The following NKAIN2 variants were observed in gnomAD, a reference collection of about 807,000 sequenced individuals.
NKAIN2 encodes sodium/potassium transporting ATPase interacting 2.
NKAIN2 carries 14 observed loss-of-function variants against 32.6 expected under a neutral mutation model. The observed-to-expected ratio is 0.43, with a 90% confidence interval of 0.28 to 0.67. The LOEUF (loss-of-function observed/expected upper bound fraction) is 0.67. Ranked by LOEUF, NKAIN2 falls within the 30% of genes least tolerant of loss-of-function variation. The pLI is 0.17. For synonymous variants in NKAIN2, 80 were observed against 87.2 expected (o/e 0.92, Z 0.46); for missense variants, 198 against 258.3 (o/e 0.77, Z 1.60).
intron 2 of NKAIN2, among the ~76,000 whole-genome samples, chr6:124,327,154 T>A (rs1216406993): frequency 1.3e-5 from 2 of 152,120 alleles, no homozygotes; most frequent in Non-Finnish European, 2.9e-5. Flanking sequence ...TATAGAACAT[T>A]CCTAGTCAAC....
intron 1 of NKAIN2, among the ~76,000 whole-genome samples, chr6:123,825,597 G>A (rs557222475): frequency 6.6e-6 from 1 of 152,214 alleles, no homozygotes; most frequent in Admixed American, 6.5e-5. Context: ...GATCATTAGA[G>A]TATTCAGGAT....
chr6:124,146,917 G>A (rs1787437768), intron 1 of NKAIN2, among the ~76,000 whole-genome samples: 1 of 152,188 alleles, frequency 6.6e-6, no homozygotes, highest in Admixed American at 6.5e-5. Flanking sequence ...CTATTGGGGA[G>A]GAGGCGTGGA....
At chr6:124,317,515 G>T (rs994437479) in intron 2 of NKAIN2, among the ~76,000 whole-genome samples, 1 of 152,006 alleles carries the variant, frequency 6.6e-6, no homozygotes, top group Non-Finnish European at 1.5e-5. Context: ...AAAGCAGGGT[G>T]CTCTCATTGT....
At chr6:124,658,428 G>T in intron 4 of NKAIN2, 42 bp downstream of exon 4, 1 of 1,613,918 alleles carries the variant, frequency 6.2e-7, no homozygotes, top group Non-Finnish European at 8.5e-7. Context: ...TGCCTCTGGG[G>T]TTGTTTTATT....
chr6:124,355,207 G>A, intron 2 of NKAIN2, 60 bp from the exon 3 acceptor site: 1 of 1,128,988 alleles, frequency 8.9e-7, no homozygotes, highest in Non-Finnish European at 1.3e-6. Flanking sequence ...CGTTTTATTT[G>A]AATCATACTC....
At chr6:123,934,141 A>G (rs957800099) in intron 1 of NKAIN2, among the ~76,000 whole-genome samples, 2 of 152,210 alleles carry the variant, frequency 1.3e-5, no homozygotes, top group African/African-American at 2.4e-5. Context: ...ATGAGCTGAT[A>G]TAAAAGTCTG....
intron 3 of NKAIN2, among the ~76,000 whole-genome samples, chr6:124,585,959 T>C (rs1038829255): frequency 1.3e-5 from 2 of 152,220 alleles, no homozygotes; most frequent in South Asian, 4.1e-4. Context: ...TTTTCTCCTA[T>C]GTATTCTTCC....
At chr6:123,815,164 ATTAGT>A (rs1426087421) in intron 1 of NKAIN2, among the ~76,000 whole-genome samples, 1 of 152,160 alleles carries the variant, frequency 6.6e-6, no homozygotes, top group Admixed American at 6.6e-5. Context: ...ATAATTCAAG[ATTAGT>A]TTAAATTGCA....
intron 4 of NKAIN2, among the ~76,000 whole-genome samples, chr6:124,781,482 T>G (rs535242866): frequency 6.6e-6 from 1 of 152,192 alleles, no homozygotes; most frequent in Non-Finnish European, 1.5e-5. Context: ...TACCAGGATG[T>G]GAGGGGTTGG....
intron 3 of NKAIN2, among the ~76,000 whole-genome samples, chr6:124,534,297 T>G (rs1779634789): frequency 6.6e-6 from 1 of 151,892 alleles, no homozygotes; most frequent in Non-Finnish European, 1.5e-5. Context: ...ATTACAGGAG[T>G]GCACCACCAC....
intron 3 of NKAIN2, among the ~76,000 whole-genome samples, chr6:124,600,596 T>C (rs1782268047): frequency 6.6e-6 from 1 of 152,058 alleles, no homozygotes; most frequent in African/African-American, 2.4e-5. Context: ...GAGGAATCCA[T>C]GGGTAGCAGC....
intron 1 of NKAIN2, among the ~76,000 whole-genome samples, chr6:123,961,143 T>C (rs112702057): frequency 1.4e-4 from 22 of 152,114 alleles, no homozygotes; most frequent in African/African-American, 5.3e-4. Flanking sequence ...AATTGCAGGT[T>C]GGCAACCATA....
At chr6:124,582,116 C>A (rs780568477) in intron 3 of NKAIN2, among the ~76,000 whole-genome samples, 2 of 150,500 alleles carry the variant, frequency 1.3e-5, no homozygotes, top group Non-Finnish European at 3.0e-5. Context: ...AATCAACAAA[C>A]CTTTAGCCAG....
chr6:124,581,299 C>T (rs1009181596), intron 3 of NKAIN2, among the ~76,000 whole-genome samples: 6 of 151,562 alleles, frequency 4.0e-5, no homozygotes, highest in African/African-American at 1.2e-4. Flanking sequence ...ATTAGCCAGG[C>T]GCGGTGGCGG....
chr6:124,477,905 A>G (rs754793210), intron 3 of NKAIN2, among the ~76,000 whole-genome samples: 38 of 149,008 alleles, frequency 2.6e-4, no homozygotes, highest in Non-Finnish European at 3.1e-4. Context: ...TTCTCCAATT[A>G]TCTGGTCATA....
intron 3 of NKAIN2, among the ~76,000 whole-genome samples, chr6:124,603,829 G>T (rs1488915937): frequency 6.6e-6 from 1 of 151,918 alleles, no homozygotes; most frequent in East Asian, 1.9e-4. Flanking sequence ...AATAAATATG[G>T]TCATTTGCCT....
At position 124,283,092 on chromosome 6, in the gene NKAIN2, A is replaced by T. The variant is rs1795379845; in HGVS notation, c.142A>T (p.Ile48Phe). The T allele has an allele frequency of 6.2e-7, 1 of 1,610,410 alleles. No individual in the cohort carries two copies. Among genetic ancestry groups the T allele is most frequent in the Admixed American group, 1.7e-5 (1 of 60,010 alleles). The change falls in exon 2 of 7, where the codon ATT becomes TTT. Residue 48 changes from isoleucine (I) to phenylalanine (F), a missense_variant. Ile to Phe is a conservative substitution (Grantham distance 21). Transcript: ENST00000368417. ...AAATTTTGTACATATTATTATCGTC[A>T]TTCTTGGTTTGTTTGGAACTATTCA... ...LANFVHIIIV[I>F]LGLFGTIQYR...
At chr6:124,498,389 G>A (rs902820652) in intron 3 of NKAIN2, among the ~76,000 whole-genome samples, 13 of 152,162 alleles carry the variant, frequency 8.5e-5, no homozygotes, top group Admixed American at 2.6e-4. Context: ...CACAGAGATA[G>A]CACAAGCAAC....
chr6:124,490,177 T>G (rs755870187), intron 3 of NKAIN2, among the ~76,000 whole-genome samples: 2 of 151,824 alleles, frequency 1.3e-5, no homozygotes, highest in Non-Finnish European at 2.9e-5. Context: ...TGTAAAGAGT[T>G]GCAGCCAGAG....
Sources: gnomAD v4.1 joint callset for allele counts (sites outside exome capture counted in the v4.1 genomes callset) on GRCh38, gnomAD v4.1.1 for gene constraint, MANE v1.5 for transcripts, NCBI Gene and HGNC (gene_info 2026-07-23, HGNC 2026-07-21) for gene names.